Variants in KCNQ5 observed in about 807,000 individuals in gnomAD.
KCNQ5 encodes the protein potassium voltage-gated channel subfamily KQT member 5.
Under a neutral mutation model 98.2 loss-of-function variants are expected in KCNQ5, and 30 were observed. The observed-to-expected ratio is 0.31, with a 90% CI of 0.23 to 0.41. The LOEUF (loss-of-function observed/expected upper bound fraction) is 0.41. Among genes scored for constraint, KCNQ5 ranks in the 10% least tolerant of loss-of-function variants. The probability of loss-of-function intolerance (pLI) is 1.00; values close to 1 mark genes in which losing one functional copy is unlikely to be tolerated. For synonymous variants in KCNQ5, 458 were observed against 449.4 expected, an observed-to-expected ratio of 1.02 and a Z score of -0.24; for missense variants, 835 against 1,182.5, an observed-to-expected ratio of 0.71 and a Z score of 4.31.
intron 10 of KCNQ5, among the ~76,000 whole-genome samples, chr6:73,161,811 C>T (rs1165642151): frequency 6.6e-6 from 1 of 152,170 alleles, no homozygotes; most frequent in Non-Finnish European, 1.5e-5. Context: ...CATCCTCTCT[C>T]TTCATCATCT....
At chr6:72,934,901 A>G (rs1765838988) in intron 1 of KCNQ5, among the ~76,000 whole-genome samples, 1 of 152,070 alleles carries the variant, frequency 6.6e-6, no homozygotes, top group South Asian at 2.1e-4. Context: ...AACCTCTAAT[A>G]CAGTGACACT....
chr6:72,892,824 A>G (rs1292288092), intron 1 of KCNQ5, among the ~76,000 whole-genome samples: 1 of 152,176 alleles, frequency 6.6e-6, no homozygotes, highest in Non-Finnish European at 1.5e-5. Flanking sequence ...CTGAATTAAA[A>G]TATCAGAGTT....
At chr6:72,890,557 G>T (rs1359376454) in intron 1 of KCNQ5, among the ~76,000 whole-genome samples, 1 of 152,152 alleles carries the variant, frequency 6.6e-6, no homozygotes, top group Non-Finnish European at 1.5e-5. Context: ...GCTATGGGAG[G>T]TTGTGTGCCT....
At chr6:72,908,554 T>C (rs1444735364) in intron 1 of KCNQ5, among the ~76,000 whole-genome samples, 1 of 152,140 alleles carries the variant, frequency 6.6e-6, no homozygotes, top group African/African-American at 2.4e-5. Context: ...ATATACTTCA[T>C]CCACAGGCAG....
At chr6:72,998,464 G>A (rs867406422) in intron 1 of KCNQ5, among the ~76,000 whole-genome samples, 18 of 151,976 alleles carry the variant, frequency 1.2e-4, no homozygotes, top group Middle Eastern at 3.2e-3. Context: ...GGCCAGGCAC[G>A]GTGGCTCATG....
At chr6:73,190,463 G>A (rs1765551903) in intron 11 of KCNQ5, 110 bp from the exon 12 acceptor site, 2 of 511,390 alleles carry the variant, frequency 3.9e-6, no homozygotes, top group Admixed American at 8.4e-5. Context: ...AAAATAATTT[G>A]ATGCATGACT....
chr6:73,023,628 C>T (rs1770713893), intron 2 of KCNQ5, among the ~76,000 whole-genome samples: 1 of 152,180 alleles, frequency 6.6e-6, no homozygotes. Context: ...AGACTTGAGG[C>T]ATTTCATCAG....
At chr6:72,825,639 A>G (rs1317753520) in intron 1 of KCNQ5, among the ~76,000 whole-genome samples, 1 of 152,158 alleles carries the variant, frequency 6.6e-6, no homozygotes, top group African/African-American at 2.4e-5. Context: ...TATACTATGC[A>G]ACATGTGGAA....
Position 72,870,815 on chromosome 6 carries a change from C to T in KCNQ5, c.399-133093C>T, listed in dbSNP as rs577009662. ...ACTAATAATCCAGTAATGCAGATTT[C>T]TTATGTATGTCATCATGATAACTAT... On this transcript the variant is annotated intron_variant, in intron 1 of 13. Coordinates refer to ENST00000370398, the MANE Select transcript of KCNQ5 (RefSeq NM_019842.4). Among the ~76,000 whole-genome samples the T allele has an allele frequency of 2.4e-4, 36 of 152,238 alleles. No individual in the cohort carries two copies. In the South Asian group the frequency reaches 2.9e-3, roughly 12 times the overall value.
chr6:72,624,347 G>C (rs1460402098), intron 1 of KCNQ5, among the ~76,000 whole-genome samples: 1 of 152,054 alleles, frequency 6.6e-6, no homozygotes, highest in African/African-American at 2.4e-5. Context: ...ATACTGTATA[G>C]GTTATGATTT....
At chr6:73,133,164 G>C (rs1045311657) in intron 9 of KCNQ5, among the ~76,000 whole-genome samples, 2 of 151,714 alleles carry the variant, frequency 1.3e-5, no homozygotes, top group African/African-American at 2.4e-5. Context: ...ACAAAATGCT[G>C]TATGACCTCA....
chr6:72,639,190 A>G (rs1176737272), intron 1 of KCNQ5, among the ~76,000 whole-genome samples: 3 of 152,226 alleles, frequency 2.0e-5, no homozygotes, highest in Admixed American at 6.5e-5. Flanking sequence ...GGAAATGAGA[A>G]GAGAAAGATT....
chr6:72,811,423 C>G (rs888442920), intron 1 of KCNQ5, among the ~76,000 whole-genome samples: 1 of 152,028 alleles, frequency 6.6e-6, no homozygotes, highest in Admixed American at 6.6e-5. Flanking sequence ...CTATACATCC[C>G]CTCTTAGGAA....
chr6:72,871,141 AC>A (rs1469310932), intron 1 of KCNQ5, among the ~76,000 whole-genome samples: 1 of 152,154 alleles, frequency 6.6e-6, no homozygotes, highest in Non-Finnish European at 1.5e-5. Context: ...CAATATTATC[AC>A]CACGAGCTTT....
At chr6:72,853,077 T>A (rs1327922500) in intron 1 of KCNQ5, among the ~76,000 whole-genome samples, 1 of 152,172 alleles carries the variant, frequency 6.6e-6, no homozygotes, top group Non-Finnish European at 1.5e-5. Context: ...ACACCACCAA[T>A]TTATCCTAGC....
At chr6:73,078,226 A>G (rs901134879) in intron 5 of KCNQ5, among the ~76,000 whole-genome samples, 8 of 151,910 alleles carry the variant, frequency 5.3e-5, no homozygotes, top group African/African-American at 1.4e-4. Flanking sequence ...AATTTAAATG[A>G]TCAATTGTTG....
chr6:72,635,149 C>T (rs930603686), intron 1 of KCNQ5, among the ~76,000 whole-genome samples: 1 of 151,740 alleles, frequency 6.6e-6, no homozygotes, highest in Non-Finnish European at 1.5e-5. Flanking sequence ...ACCTCAGCCT[C>T]TTGAGTAGCT....
chr6:72,701,957 G>C (rs1361939851), intron 1 of KCNQ5, among the ~76,000 whole-genome samples: 1 of 152,098 alleles, frequency 6.6e-6, no homozygotes, highest in East Asian at 1.9e-4. Context: ...GCCTCCCAAA[G>C]TGCTGGCATT....
At chr6:72,644,565 C>T (rs1765492008) in intron 1 of KCNQ5, among the ~76,000 whole-genome samples, 1 of 152,042 alleles carries the variant, frequency 6.6e-6, no homozygotes, top group Non-Finnish European at 1.5e-5. Flanking sequence ...AATATGAAAT[C>T]CACAAATAAT....
Sources: allele counts gnomAD v4.1 joint callset (sites outside exome capture counted in the v4.1 genomes callset), GRCh38; gene constraint gnomAD v4.1.1; transcripts MANE v1.5; gene names NCBI Gene and HGNC (gene_info 2026-07-23, HGNC 2026-07-21).